Variants in TRAP1 observed in about 807,000 individuals in gnomAD.
TRAP1 encodes the protein heat shock protein 75 kDa, mitochondrial.
In TRAP1, 102 loss-of-function variants were observed where a neutral mutation model predicts 89.1. The ratio of observed to expected loss-of-function variants is 1.15; its 90% confidence interval spans 0.98 to 1.35. The LOEUF is 1.35. TRAP1 is among the 40% of genes most tolerant of loss of function. The pLI is 0.00. For synonymous variants in TRAP1, 508 were observed against 388.0 expected, an observed-to-expected ratio of 1.31 and a Z score of -3.64; for missense variants, 1,256 against 945.3, an observed-to-expected ratio of 1.33 and a Z score of -4.31.
chr16:3,658,966 G>GACTGTCTGTAGTTTT, intron 16 of TRAP1, 101 bp from the exon 17 acceptor site: 1 of 1,198,204 alleles, frequency 8.3e-7, no homozygotes, highest in South Asian at 1.3e-5. Flanking sequence ...AGCACAGTAA[G>GACTGTCTGTAGTTTT]ACTGTCTGTA....
rs764862839 is a variant in TRAP1, at chr16:3,658,877, A to G, written c.1941-12T>C. On this transcript the variant is annotated splice_polypyrimidine_tract_variant and intron_variant, in intron 16 of 17. Transcript: ENST00000246957. ...TGATGAGCGCGTGCCTGCAACACAG[A>G]ACCCACCAGAAAAAGCAGCTCAGTA... 9.9e-6 allele frequency: 16 copies of G among 1,613,838 alleles called. No individual in the cohort carries two copies. Among genetic ancestry groups the G allele is most frequent in the Non-Finnish European group, 1.2e-5 (14 of 1,179,916 alleles).
At chr16:3,670,582 T>A (rs1018362025) in intron 11 of TRAP1, among the ~76,000 whole-genome samples, 1 of 151,656 alleles carries the variant, frequency 6.6e-6, no homozygotes, top group Non-Finnish European at 1.5e-5. Flanking sequence ...CTCACACTTG[T>A]AGTCCCAGCT....
At chr16:3,663,262 G>A (rs1324712482) in intron 14 of TRAP1, 162 bp downstream of exon 14, 22 of 909,910 alleles carry the variant, frequency 2.4e-5, no homozygotes, top group Non-Finnish European at 3.2e-5. Context: ...AAACCAGGAG[G>A]CACCTTCCTC....
rs1181999443 is a variant in TRAP1, at chr16:3,685,672, GAA to G, written c.471+322_471+323del. On this transcript the variant is annotated intron_variant, in intron 4 of 17. Transcript: ENST00000246957. ...GAGGGGAAAACGCAGTTAAAAATAT[GAA>G]AAGAGTACATTAAAAATAAGATATG... Among the ~76,000 whole-genome samples the G allele has an allele frequency of 7.2e-5, 11 of 152,246 alleles. No individual in the cohort carries two copies. In the South Asian group the frequency reaches 2.1e-3, roughly 29 times the overall value.
chr16:3,689,198 G>T, intron 2 of TRAP1, 61 bp from the exon 3 acceptor site: 1 of 1,354,736 alleles, frequency 7.4e-7, no homozygotes, highest in Non-Finnish European at 1.0e-6. Flanking sequence ...GCAAGAATAC[G>T]CTACGTCACA....
intron 11 of TRAP1, among the ~76,000 whole-genome samples, chr16:3,668,925 C>A (rs1406800913): frequency 6.6e-6 from 1 of 152,236 alleles, no homozygotes; most frequent in East Asian, 1.9e-4. Context: ...CCGCCTCGGC[C>A]CGCAGGGACG....
At chr16:3,717,379 G>GGCCCGGCCC (rs1181120385) in intron 1 of TRAP1, 42 bp downstream of exon 1, 3 of 852,330 alleles carry the variant, frequency 3.5e-6, no homozygotes, top group Admixed American at 4.4e-5. Context: ...CCGTCTCCGT[G>GGCCCGGCCC]GCCCGGCCCG....
intron 1 of TRAP1, among the ~76,000 whole-genome samples, chr16:3,691,572 C>T (rs944326879): frequency 7.2e-5 from 11 of 152,084 alleles, no homozygotes; most frequent in Non-Finnish European, 1.0e-4. Flanking sequence ...GGTGACACCT[C>T]GCATCAACCT....
At chr16:3,678,926 C>T (rs578014192) in intron 5 of TRAP1, among the ~76,000 whole-genome samples, 23 of 152,198 alleles carry the variant, frequency 1.5e-4, no homozygotes, top group Non-Finnish European at 3.2e-4. Flanking sequence ...GTGGGCTTGA[C>T]GCAGAGAGGG....
chr16:3,662,824 G>T (rs2043163602), intron 15 of TRAP1, 58 bp downstream of exon 15: 1 of 1,564,868 alleles, frequency 6.4e-7, no homozygotes, highest in Non-Finnish European at 8.8e-7. Context: ...GCCACCAGCT[G>T]GCCAGCCTGT....
At chr16:3,711,963 G>T (rs934816354) in intron 1 of TRAP1, among the ~76,000 whole-genome samples, 1 of 152,154 alleles carries the variant, frequency 6.6e-6, no homozygotes, top group African/African-American at 2.4e-5. Context: ...TACTTCATTT[G>T]AGTATGAATG....
At chr16:3,691,631 G>A (rs909275220) in intron 1 of TRAP1, among the ~76,000 whole-genome samples, 2 of 151,776 alleles carry the variant, frequency 1.3e-5, no homozygotes, top group South Asian at 2.1e-4. Context: ...AGAAGCCCCC[G>A]ATGGGCCACA....
chr16:3,690,387 C>G (rs979326944), intron 2 of TRAP1, among the ~76,000 whole-genome samples: 5 of 152,158 alleles, frequency 3.3e-5, no homozygotes, highest in African/African-American at 1.2e-4. Flanking sequence ...TTTTTAACTT[C>G]AAAGATTCTA....
chr16:3,685,004 G>A (rs2051119939), intron 4 of TRAP1, among the ~76,000 whole-genome samples: 2 of 152,166 alleles, frequency 1.3e-5, no homozygotes, highest in Admixed American at 6.5e-5. Context: ...AGGAAGTACT[G>A]GCACATGAGG....
chr16:3,674,232 T>C, intron 9 of TRAP1, 107 bp downstream of exon 9: 1 of 1,456,072 alleles, frequency 6.9e-7, no homozygotes, highest in Non-Finnish European at 9.3e-7. Context: ...TACCTATGTT[T>C]TTCATGCCCT....
intron 1 of TRAP1, among the ~76,000 whole-genome samples, chr16:3,715,126 G>C (rs2051580844): frequency 6.6e-6 from 1 of 152,214 alleles, no homozygotes; most frequent in Non-Finnish European, 1.5e-5. Flanking sequence ...GACGAGAGGA[G>C]AGAGACAATT....
rs1369463944 is a variant in TRAP1, at chr16:3,661,800, G to A, written c.1940+187C>T. 3 of 638,666 alleles carry A rather than the reference G, an allele frequency of 4.7e-6. No individual in the cohort carries two copies. In the South Asian group the frequency reaches 1.3e-4, roughly 27 times the overall value. 39.6% of individuals were successfully genotyped at this position (638,666 alleles called of 1,614,324 possible). A position where few individuals can be genotyped will look rare whatever the true frequency, so the allele number is the denominator to read the frequency against. ...AACCTCCCAGGTGACACCTGGGGAT[G>A]GTAAGGGGCTGGCCAGGTTCCATTT... is the stretch of plus-strand genomic sequence containing the variant. On this transcript the variant is annotated intron_variant, in intron 16 of 17. Transcript: ENST00000246957.
intron 11 of TRAP1, among the ~76,000 whole-genome samples, chr16:3,669,765 G>A (rs1048516644): frequency 6.7e-6 from 1 of 148,448 alleles, no homozygotes; most frequent in Non-Finnish European, 1.5e-5. Context: ...CCCGGGAGGC[G>A]GAGCTTGCAG....
At position 3,686,085 on chromosome 16, in the gene TRAP1, G is replaced by A. The variant is rs779362713; in HGVS notation, c.382C>T (p.Arg128Cys). The change falls in exon 4 of 18, where the codon CGT becomes TGT. Residue 128 changes from arginine to cysteine, a missense_variant. Arg to Cys is a radical substitution (Grantham distance 180, BLOSUM62 -3). Coordinates refer to ENST00000246957, the MANE Select transcript of TRAP1 (RefSeq NM_016292.3). ...TGGCCGTCAGACACCAGTTTGTGAC[G>A]CAGTTTTTCCAAGGCATCGCTGGCA... ...SNASDALEKL[R>C]HKLVSDGQAL... 113 of 1,613,980 alleles carry A rather than the reference G, an allele frequency of 7.0e-5. No individual in the cohort carries two copies. Among genetic ancestry groups the A allele is most frequent in the East Asian group, 1.3e-4 (6 of 44,892 alleles).
Sources: gnomAD v4.1 joint callset for allele counts (sites outside exome capture counted in the v4.1 genomes callset) on GRCh38, gnomAD v4.1.1 for gene constraint, MANE v1.5 for transcripts, NCBI Gene and HGNC (gene_info 2026-07-23, HGNC 2026-07-21) for gene names.